PLCB4: variants seen among roughly 807,000 people sequenced by gnomAD.
PLCB4 encodes the protein 1-phosphatidylinositol 4,5-bisphosphate phosphodiesterase beta-4.
PLCB4 carries 77 observed loss-of-function variants against 178.8 expected under a neutral mutation model. That is an observed-to-expected ratio of 0.43 (90% CI 0.36 to 0.52). The LOEUF (loss-of-function observed/expected upper bound fraction) is 0.52, where lower values mean the gene tolerates loss of function less well. Ranked by LOEUF, PLCB4 falls within the 20% of genes least tolerant of loss-of-function variation. The probability of loss-of-function intolerance (pLI) is 0.00; values close to 1 mark genes in which losing one functional copy is unlikely to be tolerated. For synonymous variants in PLCB4, 496 were observed against 490.8 expected (o/e 1.01, Z -0.14); for missense variants, 1,024 against 1,453.4 (o/e 0.70, Z 4.80).
chr20:9,407,854 A>G, intron 21 of PLCB4, 63 bp from the exon 22 acceptor site: 2 of 1,403,612 alleles, frequency 1.4e-6, no homozygotes, highest in Admixed American at 2.2e-5. Context: ...GGAAATCTGC[A>G]GCACGTATCC....
intron 2 of PLCB4, among the ~76,000 whole-genome samples, chr20:9,209,165 A>G (rs546870276): frequency 6.6e-6 from 1 of 152,348 alleles, no homozygotes; most frequent in East Asian, 1.9e-4. Context: ...TTATAGATTT[A>G]GAACTTGGTA....
chr20:9,437,233 A>C, intron 30 of PLCB4, 81 bp downstream of exon 30: 1 of 1,277,922 alleles, frequency 7.8e-7, no homozygotes, highest in Non-Finnish European at 1.1e-6. Context: ...TTTAGGAAAT[A>C]TATAAATTCG....
chr20:9,439,346 A>C (rs1162657545), intron 30 of PLCB4, among the ~76,000 whole-genome samples: 1 of 152,164 alleles, frequency 6.6e-6, no homozygotes, highest in African/African-American at 2.4e-5. Context: ...GTACTCCCTG[A>C]GTTTAAAGAG....
At chr20:9,074,654 GC>G (rs1341291258) in intron 1 of PLCB4, among the ~76,000 whole-genome samples, 1 of 152,092 alleles carries the variant, frequency 6.6e-6, no homozygotes, top group African/African-American at 2.4e-5. Context: ...GACTTGCCAA[GC>G]CCAGTGACTG....
chr20:9,077,954 A>T (rs1294065787), intron 1 of PLCB4, among the ~76,000 whole-genome samples: 4 of 152,186 alleles, frequency 2.6e-5, no homozygotes, highest in African/African-American at 9.6e-5. Context: ...GGATACTTGA[A>T]TTTAATGTCC....
At chr20:9,393,283 C>T (rs1019390504) in intron 17 of PLCB4, among the ~76,000 whole-genome samples, 10 of 152,300 alleles carry the variant, frequency 6.6e-5, no homozygotes, top group African/African-American at 2.4e-4. Flanking sequence ...GTGCAAGGCC[C>T]TCTGGGGAGC....
At chr20:9,310,918 T>A (rs1242035801) in intron 4 of PLCB4, among the ~76,000 whole-genome samples, 1 of 152,232 alleles carries the variant, frequency 6.6e-6, no homozygotes, top group Non-Finnish European at 1.5e-5. Context: ...AGTGGTAGGC[T>A]GTGATTGTAT....
chr20:9,420,888 A>G (rs2040584355), intron 26 of PLCB4, among the ~76,000 whole-genome samples: 1 of 152,196 alleles, frequency 6.6e-6, no homozygotes, highest in Non-Finnish European at 1.5e-5. Flanking sequence ...GTCTCTTTTC[A>G]AGACTTCTAA....
chr20:9,174,373 T>C (rs1195619695), intron 2 of PLCB4, among the ~76,000 whole-genome samples: 1 of 152,016 alleles, frequency 6.6e-6, no homozygotes, highest in Non-Finnish European at 1.5e-5. Flanking sequence ...CTCAAACTCC[T>C]GGGCTTAAGA....
intron 22 of PLCB4, 38 bp from the exon 23 acceptor site, chr20:9,408,595 G>A (rs367559939): frequency 1.5e-5 from 15 of 1,000,316 alleles, no homozygotes; most frequent in Non-Finnish European, 2.2e-5. Flanking sequence ...GGGTTTGATG[G>A]CAGAGTTCCT....
chr20:9,147,834 T>G (rs920636027), intron 2 of PLCB4, among the ~76,000 whole-genome samples: 2 of 152,120 alleles, frequency 1.3e-5, no homozygotes, highest in African/African-American at 2.4e-5. Flanking sequence ...CAAAGTTACG[T>G]AGCCGAGACT....
intron 2 of PLCB4, among the ~76,000 whole-genome samples, chr20:9,144,704 G>T (rs1480854677): frequency 3.1e-4 from 13 of 42,414 alleles, no homozygotes; most frequent in African/African-American, 1.2e-3. Context: ...GGGGAAGGAG[G>T]GGAAGAAGGG....
intron 2 of PLCB4, among the ~76,000 whole-genome samples, chr20:9,121,857 C>T (rs924104402): frequency 6.6e-6 from 1 of 152,060 alleles, no homozygotes; most frequent in Non-Finnish European, 1.5e-5. Flanking sequence ...TTCCTGACAC[C>T]AAATTTATGT....
At chr20:9,245,413 T>C (rs1334794153) in intron 3 of PLCB4, among the ~76,000 whole-genome samples, 3 of 152,314 alleles carry the variant, frequency 2.0e-5, no homozygotes, top group Non-Finnish European at 1.5e-5. Flanking sequence ...TGGCAAAAGA[T>C]GTGATTAAGT....
chr20:9,387,461 A>T lies in PLCB4; in HGVS notation c.1065-2A>T. 1 of 1,496,134 alleles carries T rather than the reference A, an allele frequency of 6.7e-7. No homozygotes were observed. The highest frequency in any genetic ancestry group is 9.3e-7 in the Non-Finnish European group (1 of 1,077,686). 92.7% of individuals were successfully genotyped at this position (1,496,134 alleles called of 1,614,324 possible). A position where few individuals can be genotyped will look rare whatever the true frequency, so the allele number is the denominator to read the frequency against. The stretch of plus-strand genomic sequence containing the variant: ...AATATTGTAACTTCACTATATCCCT[A>T]GATGTGTTGAACTTGACTGCTGGGA... On this transcript the variant is annotated splice_acceptor_variant, in intron 14 of 39. Coordinates refer to ENST00000378473, the MANE Select transcript of PLCB4 (RefSeq NM_001377142.1). LOFTEE classifies it high-confidence loss of function.
intron 3 of PLCB4, among the ~76,000 whole-genome samples, chr20:9,292,936 G>A (rs921930650): frequency 2.0e-5 from 3 of 152,050 alleles, no homozygotes; most frequent in East Asian, 3.9e-4. Context: ...AAAATTATCC[G>A]AGTGTGGTGG....
intron 2 of PLCB4, among the ~76,000 whole-genome samples, chr20:9,143,285 T>C (rs185086651): frequency 8.5e-5 from 13 of 152,304 alleles, no homozygotes; most frequent in African/African-American, 3.1e-4. Flanking sequence ...GTATCATGCA[T>C]GGACATCTTC....
At chr20:9,299,373 A>C (rs1003801221) in intron 3 of PLCB4, among the ~76,000 whole-genome samples, 1 of 152,092 alleles carries the variant, frequency 6.6e-6, no homozygotes, top group Non-Finnish European at 1.5e-5. Flanking sequence ...TAAAGAAAAG[A>C]AAATTCTAAA....
At chr20:9,122,963 G>C (rs1249709049) in intron 2 of PLCB4, among the ~76,000 whole-genome samples, 3 of 152,104 alleles carry the variant, frequency 2.0e-5, no homozygotes, top group African/African-American at 7.2e-5. Flanking sequence ...AAAGATTTTA[G>C]TGTTCATTAA....
Sources: allele counts gnomAD v4.1 joint callset (sites outside exome capture counted in the v4.1 genomes callset), GRCh38; gene constraint gnomAD v4.1.1; transcripts MANE v1.5; gene names NCBI Gene and HGNC (gene_info 2026-07-23, HGNC 2026-07-21).